The following NTRK2 variants were observed in gnomAD, a reference collection of about 807,000 sequenced individuals.
NTRK2 encodes the protein BDNF/NT-3 growth factors receptor.
A neutral mutation model predicts 94.5 loss-of-function variants in NTRK2; 13 were observed. The ratio of observed to expected loss-of-function variants is 0.14; its 90% CI spans 0.09 to 0.22. The LOEUF (loss-of-function observed/expected upper bound fraction) is 0.22, where lower values mean the gene tolerates loss of function less well. Among genes scored for constraint, NTRK2 ranks in the 10% least tolerant of loss-of-function variants. The probability of loss-of-function intolerance (pLI) is 1.00; values close to 1 mark genes in which losing one functional copy is unlikely to be tolerated. For missense variants in NTRK2, 639 were observed against 1,071.2 expected (o/e 0.60, Z 5.63); for synonymous variants, 372 against 407.4 (o/e 0.91, Z 1.05).
At chr9:85,019,931 A>T (rs1444670446) in intron 17 of NTRK2, among the ~76,000 whole-genome samples, 1 of 152,168 alleles carries the variant, frequency 6.6e-6, no homozygotes, top group African/African-American at 2.4e-5. Flanking sequence ...AGTTTTATTT[A>T]TCCAAGGTGA....
intron 12 of NTRK2, among the ~76,000 whole-genome samples, chr9:84,783,287 T>G (rs530981996): frequency 6.6e-6 from 1 of 152,328 alleles, no homozygotes; most frequent in East Asian, 1.9e-4. Context: ...ATCACATTTT[T>G]GTGTCTGTAT....
intron 6 of NTRK2, among the ~76,000 whole-genome samples, chr9:84,711,303 C>T (rs1229404212): frequency 6.6e-6 from 1 of 152,196 alleles, no homozygotes; most frequent in African/African-American, 2.4e-5. Context: ...TGCCATGCCA[C>T]GTGCTTCTCC....
At chr9:84,813,546 A>G in intron 12 of NTRK2, 2 of 1,065,484 alleles carry the variant, frequency 1.9e-6, no homozygotes, top group Non-Finnish European at 2.3e-6. Flanking sequence ...CCACAAGCTA[A>G]GAAACTGAGT....
intron 12 of NTRK2, among the ~76,000 whole-genome samples, chr9:84,850,421 C>T (rs1182992403): frequency 6.6e-6 from 1 of 152,074 alleles, no homozygotes; most frequent in African/African-American, 2.4e-5. Flanking sequence ...GGTATGCAAA[C>T]TAATAGTTTA....
At chr9:84,794,186 A>G (rs2069026015) in intron 12 of NTRK2, among the ~76,000 whole-genome samples, 1 of 152,226 alleles carries the variant, frequency 6.6e-6, no homozygotes, top group Admixed American at 6.5e-5. Context: ...TTGGCAGTAG[A>G]TACGAACCAC....
Position 84,751,857 on chromosome 9 carries a change from A to G in NTRK2, c.1297-129A>G, listed in dbSNP as rs1268182805. 6.6e-6 allele frequency: 5 copies of G among 755,564 alleles called. No individual in the cohort carries two copies. The East Asian group carries it at 1.1e-4, about 16-fold the overall frequency. The allele number at this position is 755,564 out of a possible 1,614,324, so 46.8% of individuals were successfully genotyped here. A position where few individuals can be genotyped will look rare whatever the true frequency, so the allele number is the denominator to read the frequency against. ...GAGTTGGTGTACATAAGGCTGTTAT[A>G]AGAACAAGTGGTAAGCATTCAATAA... is the stretch of plus-strand genomic sequence containing the variant. On this transcript the variant is annotated intron_variant, in intron 11 of 18. Transcript: ENST00000277120.
intron 17 of NTRK2, among the ~76,000 whole-genome samples, chr9:84,978,641 T>C (rs1827201171): frequency 6.6e-6 from 1 of 152,184 alleles, no homozygotes; most frequent in Non-Finnish European, 1.5e-5. Flanking sequence ...GTGGCTGCAC[T>C]AAACAACAGA....
intron 17 of NTRK2, among the ~76,000 whole-genome samples, chr9:84,957,223 T>A (rs1317758573): frequency 1.3e-5 from 2 of 152,170 alleles, no homozygotes; most frequent in Admixed American, 6.5e-5. Flanking sequence ...GCAGTATTAG[T>A]AAAGGGTTCA....
At chr9:84,694,863 T>G (rs2060265784) in intron 2 of NTRK2, among the ~76,000 whole-genome samples, 1 of 151,982 alleles carries the variant, frequency 6.6e-6, no homozygotes, top group South Asian at 2.1e-4. Context: ...ATAGATTGAT[T>G]GATAGATTAG....
chr9:84,782,823 G>A (rs1461348208), intron 12 of NTRK2, among the ~76,000 whole-genome samples: 1 of 152,186 alleles, frequency 6.6e-6, no homozygotes, highest in African/African-American at 2.4e-5. Flanking sequence ...TATGTTAATG[G>A]CTGGGTGGGA....
At chr9:84,887,997 A>AT (rs376983192) in intron 14 of NTRK2, among the ~76,000 whole-genome samples, 15 of 152,094 alleles carry the variant, frequency 9.9e-5, no homozygotes, top group African/African-American at 1.7e-4. Context: ...GACAAAACCC[A>AT]TTTTTTTTAA....
chr9:84,747,405 G>A (rs539466400), intron 11 of NTRK2, among the ~76,000 whole-genome samples: 1 of 151,000 alleles, frequency 6.6e-6, no homozygotes. Flanking sequence ...GTTTGTGTAC[G>A]TAAGAAATCC....
At chr9:84,710,527 C>T in intron 5 of NTRK2, 110 bp from the exon 6 acceptor site, 1 of 1,163,638 alleles carries the variant, frequency 8.6e-7, no homozygotes. Flanking sequence ...GGTATGACTT[C>T]CAAGCATTGC....
At chr9:85,014,829 T>C (rs117706089) in intron 17 of NTRK2, among the ~76,000 whole-genome samples, 4,591 of 152,344 alleles carry the variant, frequency 0.03, 98 homozygotes, top group Middle Eastern at 0.058. Flanking sequence ...AGAACGCAGT[T>C]GTTATTTTTC....
At chr9:84,901,003 AAT>A (rs1221685646) in intron 14 of NTRK2, among the ~76,000 whole-genome samples, 1 of 152,216 alleles carries the variant, frequency 6.6e-6, no homozygotes, top group Non-Finnish European at 1.5e-5. Context: ...TCGACCTAGA[AAT>A]AAAACTACGA....
intron 17 of NTRK2, among the ~76,000 whole-genome samples, chr9:85,007,566 G>A (rs1182171594): frequency 6.6e-6 from 1 of 152,182 alleles, no homozygotes; most frequent in Non-Finnish European, 1.5e-5. Flanking sequence ...AGGGAATGAT[G>A]GAACTTGAAG....
At chr9:84,962,532 C>T (rs985641306) in intron 17 of NTRK2, among the ~76,000 whole-genome samples, 1 of 152,072 alleles carries the variant, frequency 6.6e-6, no homozygotes, top group Admixed American at 6.5e-5. Context: ...AAATCACTAG[C>T]CCCTATACTT....
At chr9:84,757,254 C>G (rs1170668636) in intron 12 of NTRK2, among the ~76,000 whole-genome samples, 1 of 152,144 alleles carries the variant, frequency 6.6e-6, no homozygotes, top group African/African-American at 2.4e-5. Context: ...AATACCTAAA[C>G]ATAAAAATGG....
chr9:84,821,267 C>A (rs1241355366), intron 12 of NTRK2, among the ~76,000 whole-genome samples: 2 of 151,836 alleles, frequency 1.3e-5, no homozygotes, highest in Non-Finnish European at 2.9e-5. Context: ...ACTTAGCTTG[C>A]ATGTTTATGT....
Sources: gnomAD v4.1 joint callset for allele counts (sites outside exome capture counted in the v4.1 genomes callset) on GRCh38, gnomAD v4.1.1 for gene constraint, MANE v1.5 for transcripts, NCBI Gene and HGNC (gene_info 2026-07-23, HGNC 2026-07-21) for gene names.